Variants in ARHGAP15 observed in about 807,000 individuals in gnomAD.
The protein encoded by ARHGAP15 is Rho GTPase activating protein 15.
A neutral mutation model predicts 63.7 loss-of-function variants in ARHGAP15; 51 were observed. The observed-to-expected ratio is 0.80, with a 90% CI of 0.64 to 1.01. The LOEUF is 1.01. Among genes scored for constraint, ARHGAP15 ranks in the 50% least tolerant of loss-of-function variants. The probability of loss-of-function intolerance (pLI) is 0.00; values close to 1 mark genes in which losing one functional copy is unlikely to be tolerated. For synonymous variants in ARHGAP15, 191 were observed against 193.8 expected, an observed-to-expected ratio of 0.99 and a Z score of 0.12; for missense variants, 560 against 564.6, an observed-to-expected ratio of 0.99 and a Z score of 0.08.
At chr2:143,632,562 C>G (rs368172165) in intron 12 of ARHGAP15, among the ~76,000 whole-genome samples, 4 of 152,148 alleles carry the variant, frequency 2.6e-5, no homozygotes, top group Admixed American at 2.0e-4. Flanking sequence ...ATAAGATCAA[C>G]TGAGCACCAT....
In ARHGAP15 at chr2:143,485,504, C is replaced by T. The variant is rs187622327; in HGVS notation, c.704-1869C>T. ...TCTTTTCAGAGTTCTTTTACATTTT[C>T]TCAATGTATAGATAGACCTTCCACC... is the stretch of plus-strand genomic sequence containing the variant. On this transcript the variant is annotated intron_variant, in intron 8 of 13. Coordinates refer to ENST00000295095, the MANE Select transcript of ARHGAP15 (RefSeq NM_018460.4). 3.3e-5 allele frequency among the ~76,000 whole-genome samples: 5 copies of T among 152,104 alleles called. No homozygotes were observed. In the East Asian group the frequency reaches 7.7e-4, roughly 23 times the overall value.
chr2:143,745,650 C>G (rs192412411), intron 13 of ARHGAP15, among the ~76,000 whole-genome samples: 135 of 152,178 alleles, frequency 8.9e-4, no homozygotes, highest in Non-Finnish European at 2.6e-4. Flanking sequence ...TTACTACAAA[C>G]TTTTTACATT....
At position 143,324,327 on chromosome 2, in the gene ARHGAP15, C is replaced by G. The variant is rs188542160; in HGVS notation, c.474+73727C>G. ...AGAATTATAGCATATTCTATGTGGA[C>G]TGGAAAAATAGTCAATGGTTTTCTT... On this transcript the variant is annotated intron_variant, in intron 6 of 13. Transcript: ENST00000295095. Among the ~76,000 whole-genome samples, 473 of 152,250 alleles carry G rather than the reference C, an allele frequency of 3.1e-3. 1 individual carries two copies. The highest frequency in any genetic ancestry group is 0.011 in the African/African-American group (457 of 41,538).
intron 6 of ARHGAP15, among the ~76,000 whole-genome samples, chr2:143,399,358 CA>C (rs67293838): frequency 0.81 from 122,220 of 151,272 alleles, 49,583 homozygotes; most frequent in East Asian, 0.94. Flanking sequence ...AGCACTGAGG[CA>C]AAAAAATAAA....
chr2:143,222,560 A>T (rs1693042219), intron 4 of ARHGAP15, among the ~76,000 whole-genome samples: 1 of 152,204 alleles, frequency 6.6e-6, no homozygotes, highest in African/African-American at 2.4e-5. Flanking sequence ...ATTTTTCATC[A>T]AGCATTTTCC....
chr2:143,409,676 A>G (rs1002281533), intron 6 of ARHGAP15, among the ~76,000 whole-genome samples: 3 of 152,126 alleles, frequency 2.0e-5, no homozygotes, highest in African/African-American at 7.2e-5. Flanking sequence ...TATTTTTACC[A>G]TACCATTTCT....
At chr2:143,331,798 A>G (rs1411433097) in intron 6 of ARHGAP15, among the ~76,000 whole-genome samples, 3 of 152,160 alleles carry the variant, frequency 2.0e-5, no homozygotes, top group Non-Finnish European at 2.9e-5. Context: ...TAGGGTTAAT[A>G]TCATTTCTTA....
At chr2:143,584,762 A>G (rs1697044348) in intron 11 of ARHGAP15, among the ~76,000 whole-genome samples, 2 of 152,316 alleles carry the variant, frequency 1.3e-5, no homozygotes, top group Admixed American at 6.5e-5. Context: ...GTGCAAAAAT[A>G]ATTGCAGTTT....
chr2:143,330,138 A>AAAAAAAAAAAC (rs1684477797), intron 6 of ARHGAP15, among the ~76,000 whole-genome samples: 1 of 133,006 alleles, frequency 7.5e-6, no homozygotes, highest in Non-Finnish European at 1.6e-5. Context: ...AAAACCAAAA[A>AAAAAAAAAAAC]CAAAAAACTA....
At chr2:143,412,657 T>A (rs956975894) in intron 6 of ARHGAP15, among the ~76,000 whole-genome samples, 3 of 152,176 alleles carry the variant, frequency 2.0e-5, no homozygotes, top group Non-Finnish European at 2.9e-5. Context: ...ACGGATTTTT[T>A]AAAAATTTAT....
rs761950645 is a variant in ARHGAP15 at position 143,768,117 on chromosome 2, T to G, written c.1373T>G (p.Ile458Arg). ...MAIHMVYQNQ[I>R]AELMLSEYSK... ...ATCCACATGGTCTACCAGAACCAGA[T>G]AGCTGAGCTCATGCTGAGTGAGTAC... Residue 458 changes from isoleucine (I) to arginine (R), a missense_variant, in exon 14 of 14, where the codon ATA (isoleucine) becomes AGA (arginine). Physicochemically the swap from Ile to Arg is moderately conservative, Grantham distance 97. Transcript: ENST00000295095. The G allele has an allele frequency of 6.2e-7, 1 of 1,613,868 alleles. No homozygotes were observed. The highest frequency in any genetic ancestry group is 8.5e-7 in the Non-Finnish European group (1 of 1,179,816).
At chr2:143,309,056 G>A (rs1260820507) in intron 6 of ARHGAP15, among the ~76,000 whole-genome samples, 2 of 151,526 alleles carry the variant, frequency 1.3e-5, no homozygotes, top group South Asian at 2.1e-4. Flanking sequence ...CATTGCTAAA[G>A]GTATTTTCAT....
chr2:143,399,959 T>C (rs1308921595), intron 6 of ARHGAP15, among the ~76,000 whole-genome samples: 1 of 152,048 alleles, frequency 6.6e-6, no homozygotes, highest in Non-Finnish European at 1.5e-5. Flanking sequence ...CTGTTGCAAT[T>C]TGACTCCAGG....
intron 6 of ARHGAP15, 126 bp downstream of exon 6, chr2:143,250,726 G>A: frequency 1.4e-6 from 1 of 698,390 alleles, no homozygotes; most frequent in Non-Finnish European, 2.3e-6. Flanking sequence ...TGAAGGTCAT[G>A]AAAGGCGACT....
chr2:143,373,458 A>G (rs778577402), intron 6 of ARHGAP15, among the ~76,000 whole-genome samples: 17 of 151,906 alleles, frequency 1.1e-4, no homozygotes, highest in Non-Finnish European at 1.8e-4. Context: ...ATGAAACATC[A>G]TCTCTACTAA....
chr2:143,512,613 C>A (rs140855037), intron 9 of ARHGAP15, among the ~76,000 whole-genome samples: 31 of 152,324 alleles, frequency 2.0e-4, no homozygotes, highest in Admixed American at 5.2e-4. Context: ...AAACGTTTGT[C>A]CAATGCTACA....
At chr2:143,470,307 A>C (rs1032505490) in intron 8 of ARHGAP15, among the ~76,000 whole-genome samples, 1 of 150,138 alleles carries the variant, frequency 6.7e-6, no homozygotes, top group Non-Finnish European at 1.5e-5. Flanking sequence ...AAAAAAAAAA[A>C]GGGAACTGAG....
chr2:143,228,747 C>A, intron 5 of ARHGAP15, 79 bp downstream of exon 5: 1 of 1,022,932 alleles, frequency 9.8e-7, no homozygotes, highest in South Asian at 2.0e-5. Context: ...TATCAGAAAT[C>A]ACACTAAAAC....
At chr2:143,486,280 G>A (rs565935698) in intron 8 of ARHGAP15, among the ~76,000 whole-genome samples, 16 of 151,970 alleles carry the variant, frequency 1.1e-4, no homozygotes, top group Admixed American at 8.5e-4. Flanking sequence ...TTAATAATAA[G>A]ACACCTTGGG....
Sources: allele counts gnomAD v4.1 joint callset (sites outside exome capture counted in the v4.1 genomes callset), GRCh38; gene constraint gnomAD v4.1.1; transcripts MANE v1.5; gene names NCBI Gene and HGNC (gene_info 2026-07-23, HGNC 2026-07-21).